Variants in ANKS1B observed in about 807,000 individuals in gnomAD.
ANKS1B encodes the protein ankyrin repeat and sterile alpha motif domain containing 1B, also known as ankyrin repeat and sterile alpha motif domain-containing protein 1B.
A neutral mutation model predicts 148.3 loss-of-function variants in ANKS1B; 36 were observed. The observed-to-expected ratio is 0.24, with a 90% CI of 0.19 to 0.32. The LOEUF (loss-of-function observed/expected upper bound fraction) is 0.32, where lower values mean the gene tolerates loss of function less well. Ranked by LOEUF, ANKS1B falls within the 10% of genes least tolerant of loss-of-function variation. The pLI is 1.00. For synonymous variants in ANKS1B, 542 were observed against 560.8 expected, an observed-to-expected ratio of 0.97 and a Z score of 0.47; for missense variants, 1,157 against 1,542.6, an observed-to-expected ratio of 0.75 and a Z score of 4.19.
At chr12:98,847,409 G>A (rs1374970749) in intron 17 of ANKS1B, among the ~76,000 whole-genome samples, 2 of 151,944 alleles carry the variant, frequency 1.3e-5, no homozygotes, top group Non-Finnish European at 2.9e-5. Flanking sequence ...TGTCCTTCAG[G>A]TTCATCCATA....
At chr12:99,941,259 A>C (rs544803049) in intron 1 of ANKS1B, among the ~76,000 whole-genome samples, 1 of 152,242 alleles carries the variant, frequency 6.6e-6, no homozygotes, top group African/African-American at 2.4e-5. Flanking sequence ...AAGAATGTTT[A>C]TTTGGTTGGA....
At chr12:99,748,390 A>G (rs1482098213) in intron 8 of ANKS1B, among the ~76,000 whole-genome samples, 1 of 151,704 alleles carries the variant, frequency 6.6e-6, no homozygotes, top group Non-Finnish European at 1.5e-5. Flanking sequence ...TCTGCCTAAA[A>G]TTGGCTTGAG....
In ANKS1B at chr12:98,877,703, G is replaced by C. The variant is rs2099694947; in HGVS notation, c.2779-45567C>G. On this transcript the variant is annotated intron_variant, in intron 17 of 26. Transcript: ENST00000683438. ...CTGAAAGAATTCAAGCTATGAACAG[G>C]AAAGTATACTTCAATAATTGTCCCA... Among the ~76,000 whole-genome samples, 6 of 152,250 alleles carry C rather than the reference G, an allele frequency of 3.9e-5. No individual in the cohort carries two copies. In the South Asian group the frequency reaches 1.2e-3, roughly 32 times the overall value.
chr12:99,005,908 C>G (rs1341643094), intron 17 of ANKS1B, among the ~76,000 whole-genome samples: 3 of 152,178 alleles, frequency 2.0e-5, no homozygotes, highest in African/African-American at 7.2e-5. Context: ...GGCATAGCAA[C>G]TCTTCCTGGG....
rs574487178 is a variant in ANKS1B, at chr12:99,169,940, G to C, written c.2420-15545C>G. The stretch of plus-strand genomic sequence containing the variant: ...GGATGGGAAACTTGTCCTTTTGCAG[G>C]AGTGAGAATGCTCATCCATACACGT... On this transcript the variant is annotated intron_variant, in intron 14 of 26. Transcript: ENST00000683438. Among the ~76,000 whole-genome samples, 3 of 152,252 alleles carry C rather than the reference G, an allele frequency of 2.0e-5. No homozygotes were observed. In the South Asian group the frequency reaches 6.2e-4, roughly 32 times the overall value.
At chr12:99,000,381 G>T (rs781437933) in intron 17 of ANKS1B, among the ~76,000 whole-genome samples, 20 of 144,620 alleles carry the variant, frequency 1.4e-4, no homozygotes, top group Non-Finnish European at 2.7e-4. Flanking sequence ...CAATTCTCTT[G>T]CCTCAGCCTC....
chr12:98,833,583 A>ATT (rs11382825), intron 17 of ANKS1B, among the ~76,000 whole-genome samples: 14 of 151,730 alleles, frequency 9.2e-5, no homozygotes, highest in South Asian at 4.2e-4. Context: ...GATACCTTGA[A>ATT]TTTTTTTTAA....
At chr12:99,152,127 A>C (rs533403896) in intron 15 of ANKS1B, among the ~76,000 whole-genome samples, 1 of 152,298 alleles carries the variant, frequency 6.6e-6, no homozygotes, top group South Asian at 2.1e-4. Flanking sequence ...CAATTACATA[A>C]ATTAGATTAT....
At chr12:98,999,797 G>T (rs2099931868) in intron 17 of ANKS1B, among the ~76,000 whole-genome samples, 1 of 152,176 alleles carries the variant, frequency 6.6e-6, no homozygotes, top group African/African-American at 2.4e-5. Context: ...GGCTCTCCAA[G>T]TCTGCATGGC....
intron 14 of ANKS1B, among the ~76,000 whole-genome samples, chr12:99,231,535 A>G (rs1365305842): frequency 2.6e-5 from 4 of 152,140 alleles, no homozygotes; most frequent in Non-Finnish European, 4.4e-5. Flanking sequence ...TGTTTTGAGA[A>G]TTGAATACAA....
chr12:99,488,998 A>C (rs1258270193), intron 10 of ANKS1B, among the ~76,000 whole-genome samples: 1 of 152,096 alleles, frequency 6.6e-6, no homozygotes, highest in Non-Finnish European at 1.5e-5. Flanking sequence ...CAATCCCAGA[A>C]CTTTGGGAGG....
chr12:99,422,740 G>C (rs2152719470), intron 11 of ANKS1B, among the ~76,000 whole-genome samples: 1 of 152,286 alleles, frequency 6.6e-6, no homozygotes, highest in South Asian at 2.1e-4. Context: ...AATTTGCATA[G>C]CTATGGGAGA....
intron 14 of ANKS1B, among the ~76,000 whole-genome samples, chr12:99,187,923 T>A (rs755918894): frequency 1.3e-5 from 2 of 152,068 alleles, no homozygotes; most frequent in Non-Finnish European, 2.9e-5. Flanking sequence ...TCAAGACCCA[T>A]TGGTGTGCTG....
chr12:98,913,752 C>T (rs960336869), intron 17 of ANKS1B, among the ~76,000 whole-genome samples: 10 of 152,098 alleles, frequency 6.6e-5, no homozygotes, highest in Admixed American at 1.3e-4. Context: ...CTCAGCCTCC[C>T]GAGTAGCTAC....
At chr12:99,678,265 C>T (rs1166198912) in intron 8 of ANKS1B, among the ~76,000 whole-genome samples, 1 of 152,048 alleles carries the variant, frequency 6.6e-6, no homozygotes, top group Non-Finnish European at 1.5e-5. Flanking sequence ...TTCATGATTC[C>T]AGGAAGATGG....
At chr12:99,329,528 A>G (rs1216277742) in intron 12 of ANKS1B, among the ~76,000 whole-genome samples, 2 of 151,900 alleles carry the variant, frequency 1.3e-5, no homozygotes, top group Non-Finnish European at 2.9e-5. Flanking sequence ...CATTTTCCAG[A>G]AAGATCATAT....
chr12:99,524,741 G>A (rs562550490), intron 9 of ANKS1B, among the ~76,000 whole-genome samples: 3 of 152,194 alleles, frequency 2.0e-5, no homozygotes, highest in African/African-American at 7.2e-5. Context: ...GCAGGCAAGA[G>A]AGAACGAGAG....
intron 10 of ANKS1B, among the ~76,000 whole-genome samples, chr12:99,451,976 T>G (rs1479160130): frequency 1.3e-5 from 2 of 152,168 alleles, no homozygotes; most frequent in African/African-American, 4.8e-5. Flanking sequence ...CATCACTAAG[T>G]AATCATCAAA....
exon 10 of ANKS1B, chr12:98,735,181 G>A (rs1593150105): frequency 2.5e-6 from 1 of 398,842 alleles, no homozygotes; most frequent in Admixed American, 4.4e-5. Flanking sequence ...AGTCGGTCAA[G>A]AGGAGGATTT....
Sources: allele counts gnomAD v4.1 joint callset (sites outside exome capture counted in the v4.1 genomes callset), GRCh38; gene constraint gnomAD v4.1.1; transcripts MANE v1.5; gene names NCBI Gene and HGNC (gene_info 2026-07-23, HGNC 2026-07-21).